BICD2: variants seen among roughly 807,000 people sequenced by gnomAD.
BICD2 encodes protein bicaudal D homolog 2.
A neutral mutation model predicts 72.9 loss-of-function variants in BICD2; 25 were observed. The ratio of observed to expected loss-of-function variants is 0.34; its 90% CI spans 0.25 to 0.48. The LOEUF (loss-of-function observed/expected upper bound fraction) is 0.48, where lower values mean the gene tolerates loss of function less well. Among genes scored for constraint, BICD2 ranks in the 20% least tolerant of loss-of-function variants. The pLI, the probability that BICD2 is intolerant of heterozygous loss-of-function variation, is 0.99. For missense variants in BICD2, 894 were observed against 1,175.2 expected (o/e 0.76, Z 3.50); for synonymous variants, 501 against 516.1 (o/e 0.97, Z 0.40).
At chr9:92,758,937 C>A (rs1476011288) in intron 1 of BICD2, among the ~76,000 whole-genome samples, 1 of 151,666 alleles carries the variant, frequency 6.6e-6, no homozygotes, top group African/African-American at 2.4e-5. Flanking sequence ...GCGGGAGGAT[C>A]GCTCAAGCCC....
chr9:92,760,216 G>A (rs1199819812), intron 1 of BICD2, among the ~76,000 whole-genome samples: 1 of 152,148 alleles, frequency 6.6e-6, no homozygotes, highest in Non-Finnish European at 1.5e-5. Flanking sequence ...AGGGGCCCAG[G>A]GGCTCCCAGC....
Position 92,764,477 on chromosome 9 carries a change from G to C in BICD2, c.240+28C>G. 1 of 1,465,976 alleles carries C rather than the reference G, an allele frequency of 6.8e-7. No homozygotes were observed. The highest frequency in any genetic ancestry group is 9.1e-7 in the Non-Finnish European group (1 of 1,101,124). 90.8% of individuals were successfully genotyped at this position (1,465,976 alleles called of 1,614,324 possible). On this transcript the variant is annotated intron_variant, in intron 1 of 6. Transcript: ENST00000356884. This position sits in a 1 kb window ranked among gnomAD's most constrained non-coding sequence, Gnocchi z 5.5. ...CCCACAGGCCCCGGCGCCGGGCGGGGGTCGCAGGGCAGGGCGGCTCGGCTC... is the reference window on the plus strand; with the variant it reads ...CCCACAGGCCCCGGCGCCGGGCGGGCGTCGCAGGGCAGGGCGGCTCGGCTC...
chr9:92,725,147 C>A (rs935487542), intron 2 of BICD2, among the ~76,000 whole-genome samples: 2 of 152,220 alleles, frequency 1.3e-5, no homozygotes, highest in Non-Finnish European at 2.9e-5. Context: ...ATGCCTCATA[C>A]CATTAGGGTC....
chr9:92,722,720 T>C lies in BICD2; in HGVS notation c.542A>G (p.Tyr181Cys), dbSNP rs1356719828. The C allele has an allele frequency of 1.2e-6, 2 of 1,614,148 alleles. No individual in the cohort carries two copies. The highest frequency in any genetic ancestry group is 1.7e-5 in the Admixed American group (1 of 60,020). ...GATGTTCTCCTCCTCCAGTTCCGAGTAGTCCTGCAGCAGACGAGCTTCCCG... is the reference window on the plus strand; with the variant it reads ...GATGTTCTCCTCCTCCAGTTCCGAGCAGTCCTGCAGCAGACGAGCTTCCCG... ...KFREARLLQDYSELEEENISL... is the reference protein window; with the variant it reads ...KFREARLLQDCSELEEENISL... Residue 181 changes from tyrosine to cysteine, a missense_variant, in exon 3 of 7, where the codon TAC becomes TGC. By Grantham distance (194) the Tyr-to-Cys change is radical. Around this residue, in one of 5 missense-constraint regions of BICD2, gnomAD observed 192 missense variants for 243.6 expected, o/e 0.79. Coordinates refer to ENST00000356884, the MANE Select transcript of BICD2 (RefSeq NM_001003800.2).
intron 1 of BICD2, among the ~76,000 whole-genome samples, chr9:92,734,513 CAAA>C (rs34489248): frequency 1.3e-4 from 14 of 106,938 alleles, no homozygotes; most frequent in Admixed American, 4.1e-4. Context: ...GACCCTGTCT[CAAA>C]AAAAAAAAAA....
intron 1 of BICD2, among the ~76,000 whole-genome samples, chr9:92,750,718 GC>G (rs1227318603): frequency 1.3e-5 from 2 of 151,974 alleles, no homozygotes; most frequent in African/African-American, 2.4e-5. Context: ...GTAGATAAAT[GC>G]CACTGCATTT....
At position 92,759,069 on chromosome 9, in the gene BICD2, T is replaced by C. The variant is rs1485702572; in HGVS notation, c.240+5436A>G. Among the ~76,000 whole-genome samples, 5 of 152,216 alleles carry C rather than the reference T, an allele frequency of 3.3e-5. No individual in the cohort carries two copies. The South Asian group carries it at 8.3e-4, about 25-fold the overall frequency. ...TATAAAAAGCAAACCATGACAATTA[T>C]TTCATATAGTAACACAACAGTATAA... On this transcript the variant is annotated intron_variant, in intron 1 of 6. Transcript: ENST00000356884.
At chr9:92,762,358 A>G (rs1854391053) in intron 1 of BICD2, among the ~76,000 whole-genome samples, 1 of 152,158 alleles carries the variant, frequency 6.6e-6, no homozygotes, top group Non-Finnish European at 1.5e-5. Flanking sequence ...GTGAACTGGT[A>G]CAAACTTTCT....
intron 1 of BICD2, among the ~76,000 whole-genome samples, chr9:92,762,635 G>A (rs1392703626): frequency 6.6e-6 from 1 of 152,166 alleles, no homozygotes; most frequent in East Asian, 1.9e-4. Flanking sequence ...CCACGAAAAT[G>A]CCAAGATTCT....
At chr9:92,728,500 G>C (rs985787513) in intron 2 of BICD2, among the ~76,000 whole-genome samples, 11 of 152,224 alleles carry the variant, frequency 7.2e-5, no homozygotes, top group African/African-American at 2.7e-4. Context: ...TGTGAACAAG[G>C]CAGGGGTGTG....
intron 1 of BICD2, among the ~76,000 whole-genome samples, chr9:92,730,404 A>C (rs1043388505): frequency 6.6e-6 from 1 of 152,236 alleles, no homozygotes; most frequent in Non-Finnish European, 1.5e-5. Context: ...AAAAACCATG[A>C]ATAAGGATGT....
In BICD2 at chr9:92,722,815, G is replaced by C. The variant is rs186469385; in HGVS notation, c.454-7C>G. 102 of 1,614,050 alleles carry C rather than the reference G, an allele frequency of 6.3e-5. No homozygotes were observed. The African/African-American group carries it at 1.2e-3, about 19-fold the overall frequency. ...TCTCCACATTCTGGTTGATCTGTTG[G>C]GGGAGAGGGAAAGGCAGGTATGAGC... On this transcript the variant is annotated splice_region_variant and splice_polypyrimidine_tract_variant and intron_variant, in intron 2 of 6. Coordinates refer to ENST00000356884, the MANE Select transcript of BICD2 (RefSeq NM_001003800.2).
intron 1 of BICD2, among the ~76,000 whole-genome samples, chr9:92,734,146 T>G (rs183774962): frequency 6.6e-5 from 10 of 151,358 alleles, no homozygotes; most frequent in Admixed American, 5.9e-4. Context: ...CACAAAAGAG[T>G]ATATGTTGTG....
chr9:92,744,461 T>C (rs1030372161), intron 1 of BICD2, among the ~76,000 whole-genome samples: 11 of 152,184 alleles, frequency 7.2e-5, no homozygotes, highest in Admixed American at 5.9e-4. Context: ...TGATAATTTA[T>C]CAAACTATAC....
Position 92,720,286 on chromosome 9 carries a change from C to T in BICD2, c.1062+14G>A. On this transcript the variant is annotated intron_variant, in intron 4 of 6. Transcript: ENST00000356884. This position sits in a 1 kb window ranked among gnomAD's most constrained non-coding sequence, Gnocchi z 5.4. ...AGTGGGGACAGCGTGCCGAAGGCCC[C>T]ACTGCCTGCTCACCTGCATCAGCTG... The T allele has an allele frequency of 1.9e-6, 3 of 1,598,204 alleles. No homozygotes were observed. The highest frequency in any genetic ancestry group is 8.5e-7 in the Non-Finnish European group (1 of 1,171,794).
In BICD2 at chr9:92,737,297, AC is replaced by A. The variant is rs551415641; in HGVS notation, c.241-8062del. Among the ~76,000 whole-genome samples the A allele has an allele frequency of 1.5e-4, 23 of 151,990 alleles. No individual in the cohort carries two copies. In the East Asian group the frequency reaches 4.1e-3, roughly 27 times the overall value. On this transcript the variant is annotated intron_variant, in intron 1 of 6. Transcript: ENST00000356884. ...GCCTATGTGGCCTCCTACTCCACCC[AC>A]CCCCTGACGATAGGAGCTTTAAAAT...
rs1431236818 is a variant in BICD2 at position 92,764,262 on chromosome 9, C to CA, written c.240+242dup. Reference sequence around the variant, plus strand: ...CCAGGTCCGCACAGAAGCAGGCGGGCAGCTGCAGGAGGCGACAAGGCGCCC... The same window carrying CA: ...CCAGGTCCGCACAGAAGCAGGCGGGCAAGCTGCAGGAGGCGACAAGGCGCCC... On this transcript the variant is annotated intron_variant, in intron 1 of 6. Transcript: ENST00000356884. This position sits in a 1 kb window ranked among gnomAD's most constrained non-coding sequence, Gnocchi z 5.5. Among the ~76,000 whole-genome samples, 1 of 152,172 alleles carries CA rather than the reference C, an allele frequency of 6.6e-6. No individual in the cohort carries two copies. The highest frequency in any genetic ancestry group is 2.4e-5 in the African/African-American group (1 of 41,456).
At chr9:92,715,574 CT>C in intron 6 of BICD2, 111 bp from the exon 7 acceptor site, 1 of 1,083,932 alleles carries the variant, frequency 9.2e-7, no homozygotes, top group Non-Finnish European at 1.3e-6. Flanking sequence ...CAGAGCCATC[CT>C]TCAATGTGGC....
At chr9:92,731,826 T>C (rs1853685422) in intron 1 of BICD2, among the ~76,000 whole-genome samples, 1 of 152,192 alleles carries the variant, frequency 6.6e-6, no homozygotes, top group Non-Finnish European at 1.5e-5. Flanking sequence ...CCACCATTTA[T>C]ACCAGCCAAA....
Sources: gnomAD v4.1 joint callset for allele counts (sites outside exome capture counted in the v4.1 genomes callset) on GRCh38, gnomAD v4.1.1 for gene constraint, gnomAD v4.1.1 regional missense constraint, Gnocchi (gnomAD v3.1) non-coding constraint, MANE v1.5 for transcripts, NCBI Gene and HGNC (gene_info 2026-07-23, HGNC 2026-07-21) for gene names.